Variants in ATXN1 observed in about 807,000 individuals in gnomAD.
ATXN1 encodes the protein ataxin 1.
In ATXN1, 8 loss-of-function variants were observed where a neutral mutation model predicts 56.4. The ratio of observed to expected loss-of-function variants is 0.14; its 90% CI spans 0.08 to 0.26. The LOEUF (loss-of-function observed/expected upper bound fraction) is 0.26. Ranked by LOEUF, ATXN1 falls within the 10% of genes least tolerant of loss-of-function variation. The pLI is 1.00. For synonymous variants in ATXN1, 514 were observed against 494.6 expected, an observed-to-expected ratio of 1.04 and a Z score of -0.52; for missense variants, 987 against 1,106.5, an observed-to-expected ratio of 0.89 and a Z score of 1.53.
chr6:16,714,857 C>T (rs1050798914), intron 2 of ATXN1, among the ~76,000 whole-genome samples: 6 of 152,056 alleles, frequency 3.9e-5, no homozygotes, highest in African/African-American at 1.2e-4. Flanking sequence ...AGTTACGGGG[C>T]GTGGAATTTG....
chr6:16,346,775 T>C (rs1156841648), intron 6 of ATXN1, among the ~76,000 whole-genome samples: 1 of 152,180 alleles, frequency 6.6e-6, no homozygotes, highest in Non-Finnish European at 1.5e-5. Context: ...GGGCTCCCAC[T>C]TTGGCGGCTC....
chr6:16,382,220 A>C (rs1329416939), intron 6 of ATXN1, among the ~76,000 whole-genome samples: 1 of 152,002 alleles, frequency 6.6e-6, no homozygotes, highest in Admixed American at 6.6e-5. Context: ...GAATGGTGTG[A>C]ACCTGGGAGG....
At chr6:16,671,031 T>G (rs975106286) in intron 2 of ATXN1, among the ~76,000 whole-genome samples, 1 of 152,228 alleles carries the variant, frequency 6.6e-6, no homozygotes, top group African/African-American at 2.4e-5. Flanking sequence ...ATAAAAAAGC[T>G]TAGTGAATAA....
intron 2 of ATXN1, among the ~76,000 whole-genome samples, chr6:16,720,019 G>A (rs1209834558): frequency 1.3e-5 from 2 of 152,152 alleles, no homozygotes; most frequent in Non-Finnish European, 2.9e-5. Context: ...AACTAACAGA[G>A]TTTCCCATCA....
At chr6:16,347,143 G>A (rs577906693) in intron 6 of ATXN1, among the ~76,000 whole-genome samples, 104 of 152,352 alleles carry the variant, frequency 6.8e-4, no homozygotes, top group African/African-American at 2.2e-3. Context: ...GGGCTCCTGT[G>A]CAGCCAGAGC....
At chr6:16,348,099 C>A (rs1276177501) in intron 6 of ATXN1, among the ~76,000 whole-genome samples, 1 of 152,170 alleles carries the variant, frequency 6.6e-6, no homozygotes, top group Non-Finnish European at 1.5e-5. Context: ...GTCAGTGAGA[C>A]CAAGAACGCA....
rs573294668 is a variant in ATXN1, at chr6:16,306,922, C to A, written c.1918-63G>T. ...AGGGAACAAATGAAAACATTTTATTCTTGTTTGATTTTATGCACACACACA... is the reference window on the plus strand; with the variant it reads ...AGGGAACAAATGAAAACATTTTATTATTGTTTGATTTTATGCACACACACA... On this transcript the variant is annotated intron_variant, in intron 7 of 7. Transcript: ENST00000436367. The surrounding 1 kb of genome is among the most constrained non-coding windows in gnomAD (Gnocchi z 5.2). The A allele has an allele frequency of 1.3e-6, 2 of 1,499,236 alleles. No individual in the cohort carries two copies. The highest frequency in any genetic ancestry group is 1.3e-5 in the South Asian group (1 of 76,932). 92.9% of individuals were successfully genotyped at this position (1,499,236 alleles called of 1,614,324 possible).
Position 16,308,562 on chromosome 6 carries a change from G to A in ATXN1, c.1918-1703C>T, listed in dbSNP as rs573631845. Among the ~76,000 whole-genome samples, 15 of 152,268 alleles carry A rather than the reference G, an allele frequency of 9.9e-5. No homozygotes were observed. In the East Asian group the frequency reaches 2.7e-3, roughly 27 times the overall value. Reference sequence around the variant, plus strand: ...ACACCAAGGGAGGGTGTTCTCTGGTGAGCCCCATTCTTTTGAGTTGTGACC... The same window carrying A: ...ACACCAAGGGAGGGTGTTCTCTGGTAAGCCCCATTCTTTTGAGTTGTGACC... On this transcript the variant is annotated intron_variant, in intron 7 of 7. Transcript: ENST00000436367.
intron 3 of ATXN1, among the ~76,000 whole-genome samples, chr6:16,654,507 A>G (rs1758148067): frequency 6.8e-6 from 1 of 147,220 alleles, no homozygotes; most frequent in African/African-American, 2.5e-5. Flanking sequence ...TTGCCACTGC[A>G]CTCCAGCCTA....
At chr6:16,653,031 C>CAA (rs201999572) in intron 3 of ATXN1, 1 of 151,742 alleles carries the variant, frequency 6.6e-6, no homozygotes, top group Admixed American at 6.6e-5. Flanking sequence ...AAAAAGTTGT[C>CAA]AAAAAAAATG....
intron 7 of ATXN1, among the ~76,000 whole-genome samples, chr6:16,314,633 TG>T (rs1010449554): frequency 6.6e-6 from 1 of 152,078 alleles, no homozygotes; most frequent in African/African-American, 2.4e-5. Flanking sequence ...TTTTTTTTTT[TG>T]AGATGGAGTC....
chr6:16,308,198 C>T (rs866703362), intron 7 of ATXN1, among the ~76,000 whole-genome samples: 18 of 152,060 alleles, frequency 1.2e-4, no homozygotes, highest in African/African-American at 4.1e-4. Flanking sequence ...TGGTGGCAGG[C>T]GCCTATAATC....
At chr6:16,694,079 C>A (rs778302219) in intron 2 of ATXN1, among the ~76,000 whole-genome samples, 3 of 152,084 alleles carry the variant, frequency 2.0e-5, no homozygotes, top group Non-Finnish European at 4.4e-5. Context: ...GACTTTTGTT[C>A]TTGCTAAGAA....
chr6:16,497,822 G>A (rs1369443964), intron 5 of ATXN1, among the ~76,000 whole-genome samples: 2 of 152,034 alleles, frequency 1.3e-5, no homozygotes, highest in African/African-American at 4.8e-5. Context: ...TGGAAGGGCT[G>A]GAAAGGAAAT....
chr6:16,363,823 A>G (rs1040948947), intron 6 of ATXN1, among the ~76,000 whole-genome samples: 4 of 152,170 alleles, frequency 2.6e-5, no homozygotes, highest in African/African-American at 9.6e-5. Flanking sequence ...AAAGGGTAAG[A>G]TGATTGAATC....
At chr6:16,508,977 T>C (rs2113681928) in intron 5 of ATXN1, among the ~76,000 whole-genome samples, 1 of 152,288 alleles carries the variant, frequency 6.6e-6, no homozygotes, top group South Asian at 2.1e-4. Flanking sequence ...TGGATGACCT[T>C]GAGGACATTA....
At chr6:16,718,967 G>A (rs543793520) in intron 2 of ATXN1, among the ~76,000 whole-genome samples, 1 of 152,268 alleles carries the variant, frequency 6.6e-6, no homozygotes, top group South Asian at 2.1e-4. Flanking sequence ...TTTGGGAAGT[G>A]GCTTTGTTTC....
chr6:16,682,271 A>G (rs1295200795), intron 2 of ATXN1, among the ~76,000 whole-genome samples: 1 of 141,094 alleles, frequency 7.1e-6, no homozygotes, highest in African/African-American at 2.7e-5. Context: ...ATCTCAGCTC[A>G]CTGCAACCTC....
At chr6:16,565,109 A>G (rs1762192914) in intron 4 of ATXN1, among the ~76,000 whole-genome samples, 1 of 152,350 alleles carries the variant, frequency 6.6e-6, no homozygotes, top group Admixed American at 6.5e-5. Context: ...CTGTTTCCCC[A>G]TATGAGCATA....
Sources: gnomAD v4.1 joint callset for allele counts (sites outside exome capture counted in the v4.1 genomes callset) on GRCh38, gnomAD v4.1.1 for gene constraint, Gnocchi (gnomAD v3.1) non-coding constraint, MANE v1.5 for transcripts, NCBI Gene and HGNC (gene_info 2026-07-23, HGNC 2026-07-21) for gene names.